The following RTF2 variants were observed in gnomAD, a reference collection of about 807,000 sequenced individuals.
RTF2 encodes replication termination factor 2.
RTF2 carries 18 observed loss-of-function variants against 38.0 expected under a neutral mutation model. That is an observed-to-expected ratio of 0.47 (90% CI 0.33 to 0.70). RTF2 has a LOEUF of 0.70. RTF2 is among the 30% of genes least tolerant of loss of function. The pLI is 0.02. For synonymous variants in RTF2, 126 were observed against 137.1 expected (o/e 0.92, Z 0.57); for missense variants, 311 against 379.6 (o/e 0.82, Z 1.50).
chr20:56,491,766 T>C, intron 5 of RTF2: 1 of 1,551,710 alleles, frequency 6.4e-7, no homozygotes, highest in Non-Finnish European at 8.7e-7. Context: ...TATACGCAGA[T>C]GTCTTCGACG....
At chr20:56,472,198 G>A (rs1982006203) in intron 1 of RTF2, 1 of 593,528 alleles carries the variant, frequency 1.7e-6, no homozygotes, top group Non-Finnish European at 2.9e-6. Flanking sequence ...CCCAGTCTGG[G>A]CAACAGAGCA....
intron 4 of RTF2, among the ~76,000 whole-genome samples, chr20:56,477,834 CAG>C (rs1346915412): frequency 6.6e-6 from 1 of 152,168 alleles, no homozygotes; most frequent in African/African-American, 2.4e-5. Context: ...CAGTAACAGG[CAG>C]AGTTATAGAA....
rs372122252 is a variant in RTF2 at position 56,491,546 on chromosome 20, G to A, written c.477+7357G>A. On this transcript the variant is annotated intron_variant, in intron 5 of 8. Coordinates refer to ENST00000357348, the MANE Select transcript of RTF2 (RefSeq NM_016407.5). ...GAAACAGAATGATACCAGTAAGAAA[G>A]CAAACACTCCCTAGCGGTTCAGTCT... The A allele has an allele frequency of 1.2e-3, 1,733 of 1,500,794 alleles. 28 individuals carry two copies. In the South Asian group the frequency reaches 0.019, roughly 17 times the overall value. 93.0% of individuals were successfully genotyped at this position (1,500,794 alleles called of 1,614,324 possible). A position where few individuals can be genotyped will look rare whatever the true frequency, so the allele number is the denominator to read the frequency against.
Position 56,510,000 on chromosome 20 carries a change from A to AC in RTF2, c.478-3314dup, listed in dbSNP as rs149672510. Among the ~76,000 whole-genome samples the AC allele has an allele frequency of 4.0e-3, 612 of 151,974 alleles. 3 individuals carry two copies. The highest frequency in any genetic ancestry group is 0.014 in the African/African-American group (580 of 41,512). ...TAAAATCCAGTCACAAAAAAAAAAA[A>AC]CATGTATATTGTATGATTTCATTTA... is the stretch of plus-strand genomic sequence containing the variant. On this transcript the variant is annotated intron_variant, in intron 5 of 8. Coordinates refer to ENST00000357348, the MANE Select transcript of RTF2 (RefSeq NM_016407.5).
chr20:56,496,786 TG>T (rs775599001), intron 5 of RTF2: 2 of 1,552,106 alleles, frequency 1.3e-6, no homozygotes, highest in Non-Finnish European at 1.7e-6. Flanking sequence ...CCAAAATAAA[TG>T]GTTAAGTTAT....
At chr20:56,479,624 C>T (rs1382516691) in intron 4 of RTF2, among the ~76,000 whole-genome samples, 4 of 152,146 alleles carry the variant, frequency 2.6e-5, no homozygotes, top group Admixed American at 2.6e-4. Flanking sequence ...GCAGAGGAAG[C>T]CTATGGCAGC....
At chr20:56,479,409 AG>A (rs1232419546) in intron 4 of RTF2, among the ~76,000 whole-genome samples, 1 of 151,990 alleles carries the variant, frequency 6.6e-6, no homozygotes, top group African/African-American at 2.4e-5. Flanking sequence ...TATTTTTAGT[AG>A]AGACAGGGTT....
intron 1 of RTF2, among the ~76,000 whole-genome samples, chr20:56,470,185 C>T (rs548552425): frequency 2.6e-5 from 4 of 152,250 alleles, no homozygotes; most frequent in African/African-American, 9.6e-5. Context: ...TGTAAACAGG[C>T]GAATGCTGGA....
At chr20:56,472,586 A>T (rs1982029349) in intron 1 of RTF2, among the ~76,000 whole-genome samples, 1 of 151,546 alleles carries the variant, frequency 6.6e-6, no homozygotes, top group South Asian at 2.1e-4. Context: ...TAAAAAAAAA[A>T]TGCTTGTCTT....
chr20:56,472,385 G>A (rs1982018335), intron 1 of RTF2: 1 of 1,545,784 alleles, frequency 6.5e-7, no homozygotes, highest in East Asian at 2.4e-5. Flanking sequence ...GAAAAAACAA[G>A]AACGGGAAGG....
intron 4 of RTF2, among the ~76,000 whole-genome samples, chr20:56,479,146 G>A (rs1315934059): frequency 6.6e-6 from 1 of 152,188 alleles, no homozygotes; most frequent in East Asian, 1.9e-4. Flanking sequence ...ATGAGGGGTG[G>A]AATCAGCTTC....
At chr20:56,475,756 AC>A (rs974504780) in intron 3 of RTF2, among the ~76,000 whole-genome samples, 1 of 152,238 alleles carries the variant, frequency 6.6e-6, no homozygotes, top group African/African-American at 2.4e-5. Flanking sequence ...AGAAAAAAAA[AC>A]AGTTATTGAA....
intron 5 of RTF2, among the ~76,000 whole-genome samples, chr20:56,502,167 T>C (rs528717619): frequency 7.2e-5 from 11 of 152,330 alleles, no homozygotes; most frequent in Middle Eastern, 3.4e-3. Context: ...GTCAAACTTA[T>C]GGTCAAGGAT....
chr20:56,496,543 G>C, intron 5 of RTF2: 1 of 1,340,490 alleles, frequency 7.5e-7, no homozygotes, highest in Non-Finnish European at 9.9e-7. Flanking sequence ...GTGAGACTCC[G>C]TCTCAAAATC....
intron 2 of RTF2, among the ~76,000 whole-genome samples, chr20:56,473,929 G>A (rs923912264): frequency 2.6e-5 from 4 of 152,132 alleles, no homozygotes; most frequent in African/African-American, 4.8e-5. Context: ...ACATGAAGGA[G>A]CCATGTGAGG....
chr20:56,496,238 A>G (rs1039101511), intron 5 of RTF2, among the ~76,000 whole-genome samples: 1 of 152,172 alleles, frequency 6.6e-6, no homozygotes, highest in African/African-American at 2.4e-5. Context: ...GAATTGAAAA[A>G]ATGTTCAATT....
At chr20:56,484,951 T>TGTTGCA (rs1364200161) in intron 5 of RTF2, among the ~76,000 whole-genome samples, 1 of 152,200 alleles carries the variant, frequency 6.6e-6, no homozygotes, top group East Asian at 1.9e-4. Flanking sequence ...TGCTCCCTGT[T>TGTTGCA]GTGAAAGCCA....
At chr20:56,492,549 G>C (rs750304250) in intron 5 of RTF2, among the ~76,000 whole-genome samples, 1 of 149,550 alleles carries the variant, frequency 6.7e-6, no homozygotes, top group Non-Finnish European at 1.5e-5. Context: ...GTGAGATCTC[G>C]TCTGTAATTT....
At chr20:56,512,221 C>T (rs1984720766) in intron 5 of RTF2, among the ~76,000 whole-genome samples, 1 of 152,182 alleles carries the variant, frequency 6.6e-6, no homozygotes, top group African/African-American at 2.4e-5. Flanking sequence ...GTGGCCTAGA[C>T]AGATGGTGGC....
Sources: gnomAD v4.1 joint callset for allele counts (sites outside exome capture counted in the v4.1 genomes callset) on GRCh38, gnomAD v4.1.1 for gene constraint, MANE v1.5 for transcripts, NCBI Gene and HGNC (gene_info 2026-07-23, HGNC 2026-07-21) for gene names.